INPP4B: variants seen among roughly 807,000 people sequenced by gnomAD.
INPP4B encodes inositol polyphosphate 4-phosphatase type II.
INPP4B carries 55 observed loss-of-function variants against 122.5 expected under a neutral mutation model. The ratio of observed to expected loss-of-function variants is 0.45; its 90% CI spans 0.36 to 0.56. INPP4B has a LOEUF of 0.56. Among genes scored for constraint, INPP4B ranks in the 20% least tolerant of loss-of-function variants. The pLI is 0.00. For missense variants in INPP4B, 1,000 were observed against 1,097.7 expected, an observed-to-expected ratio of 0.91 and a Z score of 1.26; for synonymous variants, 403 against 388.7, an observed-to-expected ratio of 1.04 and a Z score of -0.43.
chr4:142,620,434 A>G (rs1039459904), intron 2 of INPP4B, among the ~76,000 whole-genome samples: 1 of 151,992 alleles, frequency 6.6e-6, no homozygotes, highest in African/African-American at 2.4e-5. Context: ...GCTCTCACTT[A>G]TAAATGGGAC....
At chr4:142,095,553 C>T (rs551246059) in intron 23 of INPP4B, among the ~76,000 whole-genome samples, 90 of 151,978 alleles carry the variant, frequency 5.9e-4, no homozygotes, top group Non-Finnish European at 1.2e-4. Context: ...TTTCAGTATC[C>T]ATCTTACTTT....
chr4:142,261,540 C>A (rs991507574), intron 10 of INPP4B, among the ~76,000 whole-genome samples: 1 of 152,086 alleles, frequency 6.6e-6, no homozygotes, highest in Non-Finnish European at 1.5e-5. Flanking sequence ...TCTAAGGGAA[C>A]CAGCCATCCT....
intron 2 of INPP4B, among the ~76,000 whole-genome samples, chr4:142,483,049 T>C (rs544204561): frequency 2.0e-3 from 304 of 152,186 alleles, no homozygotes; most frequent in African/African-American, 7.1e-3. Context: ...TGGCTTCTTC[T>C]TTATGCATAG....
At chr4:142,717,163 A>G (rs1332765714) in intron 2 of INPP4B, among the ~76,000 whole-genome samples, 2 of 152,238 alleles carry the variant, frequency 1.3e-5, no homozygotes, top group Non-Finnish European at 2.9e-5. Context: ...GTGGGCAGGT[A>G]GACCTTGAAA....
chr4:142,391,690 TCTGCATG>T (rs1478867125), intron 7 of INPP4B, among the ~76,000 whole-genome samples: 2 of 152,180 alleles, frequency 1.3e-5, no homozygotes, highest in Non-Finnish European at 2.9e-5. Context: ...TATTAAAAGT[TCTGCATG>T]CCATGATTCA....
chr4:142,171,774 CAT>C (rs964981475), intron 16 of INPP4B, among the ~76,000 whole-genome samples: 9 of 151,826 alleles, frequency 5.9e-5, no homozygotes, highest in African/African-American at 2.2e-4. Flanking sequence ...AAAGAGAAAA[CAT>C]AGGGGAAAAA....
chr4:142,180,480 A>G (rs890835876), intron 15 of INPP4B, among the ~76,000 whole-genome samples: 4 of 152,198 alleles, frequency 2.6e-5, no homozygotes, highest in South Asian at 2.1e-4. Flanking sequence ...GATAATAATC[A>G]TTGGGTACAT....
chr4:142,567,172 A>C (rs1024686745), intron 2 of INPP4B, among the ~76,000 whole-genome samples: 1 of 152,208 alleles, frequency 6.6e-6, no homozygotes, highest in African/African-American at 2.4e-5. Context: ...TTCGGTCTTC[A>C]TTTCCTATAT....
intron 2 of INPP4B, among the ~76,000 whole-genome samples, chr4:142,662,208 C>T (rs932338624): frequency 6.0e-5 from 9 of 150,794 alleles, no homozygotes; most frequent in African/African-American, 2.2e-4. Flanking sequence ...GCACTCCAGC[C>T]TGGGCAACAG....
chr4:142,755,811 C>T (rs1393299229), intron 1 of INPP4B, among the ~76,000 whole-genome samples: 1 of 151,950 alleles, frequency 6.6e-6, no homozygotes, highest in Non-Finnish European at 1.5e-5. Context: ...AGCATAATTA[C>T]AATATATACT....
chr4:142,775,049 C>T (rs796435887), intron 1 of INPP4B, among the ~76,000 whole-genome samples: 3 of 151,998 alleles, frequency 2.0e-5, no homozygotes, highest in African/African-American at 7.3e-5. Flanking sequence ...TGTCTTTCAA[C>T]AGAAATTTGT....
chr4:142,589,483 T>G (rs1736954306), intron 2 of INPP4B, among the ~76,000 whole-genome samples: 1 of 151,922 alleles, frequency 6.6e-6, no homozygotes, highest in Non-Finnish European at 1.5e-5. Context: ...CACAGATAGC[T>G]CATCAAAAAA....
chr4:142,410,001 T>C (rs1489577), intron 5 of INPP4B, among the ~76,000 whole-genome samples: 49,085 of 152,052 alleles, frequency 0.32, 8,493 homozygotes, highest in South Asian at 0.45. Context: ...TTATAAAATA[T>C]CAGTTTCTGT....
At chr4:142,253,392 A>G (rs1399554551) in intron 11 of INPP4B, among the ~76,000 whole-genome samples, 1 of 152,254 alleles carries the variant, frequency 6.6e-6, no homozygotes, top group African/African-American at 2.4e-5. Context: ...TACAGCTCCC[A>G]GTGTGAGCGA....
chr4:142,435,642 G>C (rs1810302189), intron 3 of INPP4B, among the ~76,000 whole-genome samples: 1 of 152,252 alleles, frequency 6.6e-6, no homozygotes, highest in Non-Finnish European at 1.5e-5. Flanking sequence ...GTAAAAGGAA[G>C]AGCAGTGTGG....
chr4:142,537,715 G>A (rs995658555), intron 2 of INPP4B, among the ~76,000 whole-genome samples: 1 of 147,268 alleles, frequency 6.8e-6, no homozygotes, highest in Non-Finnish European at 1.5e-5. Context: ...ATATATGTGT[G>A]TCTGTGAGTA....
chr4:142,048,960 T>TG (rs1753023599), intron 25 of INPP4B, among the ~76,000 whole-genome samples: 1 of 151,974 alleles, frequency 6.6e-6, no homozygotes, highest in South Asian at 2.1e-4. Flanking sequence ...GGCAGAATTT[T>TG]GGGCAACAGA....
intron 1 of INPP4B, among the ~76,000 whole-genome samples, chr4:142,774,330 A>T (rs1279068252): frequency 6.6e-6 from 1 of 152,078 alleles, no homozygotes; most frequent in East Asian, 1.9e-4. Context: ...TCACTATGAC[A>T]TTTCTTTAGC....
intron 2 of INPP4B, among the ~76,000 whole-genome samples, chr4:142,662,880 G>A (rs939475366): frequency 2.6e-5 from 4 of 152,142 alleles, no homozygotes; most frequent in African/African-American, 9.7e-5. Context: ...CTATGGAAAG[G>A]TTTGAGAAAT....
Sources: allele counts gnomAD v4.1 joint callset (sites outside exome capture counted in the v4.1 genomes callset), GRCh38; gene constraint gnomAD v4.1.1; transcripts MANE v1.5; gene names NCBI Gene and HGNC (gene_info 2026-07-23, HGNC 2026-07-21).